Variants in TLE4 observed in about 807,000 individuals in gnomAD.
TLE4 encodes transducin-like enhancer protein 4.
In TLE4, 8 loss-of-function variants were observed where a neutral mutation model predicts 92.8. The observed-to-expected ratio is 0.09, with a 90% CI of 0.05 to 0.16. The LOEUF (loss-of-function observed/expected upper bound fraction) is 0.16. Among genes scored for constraint, TLE4 ranks in the 10% least tolerant of loss-of-function variants. The pLI is 1.00. For missense variants in TLE4, 675 were observed against 997.6 expected, an observed-to-expected ratio of 0.68 and a Z score of 4.36; for synonymous variants, 371 against 374.1, an observed-to-expected ratio of 0.99 and a Z score of 0.10.
At chr9:79,613,485 A>G (rs1282033680) in intron 5 of TLE4, among the ~76,000 whole-genome samples, 2 of 152,068 alleles carry the variant, frequency 1.3e-5, no homozygotes, top group African/African-American at 4.8e-5. Context: ...AGTTGAAGTG[A>G]GAATACTGGA....
chr9:79,711,254 A>C (rs1222551125), intron 14 of TLE4, among the ~76,000 whole-genome samples: 1 of 152,222 alleles, frequency 6.6e-6, no homozygotes, highest in East Asian at 1.9e-4. Context: ...GACAAATTAG[A>C]GTTCCTCAAG....
chr9:79,642,898 C>G (rs2057439024), intron 6 of TLE4, among the ~76,000 whole-genome samples: 1 of 152,154 alleles, frequency 6.6e-6, no homozygotes, highest in Non-Finnish European at 1.5e-5. Flanking sequence ...GAAGCTTATC[C>G]TTTCAGTGAT....
intron 8 of TLE4, among the ~76,000 whole-genome samples, chr9:79,660,128 T>G (rs1386937479): frequency 6.6e-6 from 1 of 152,186 alleles, no homozygotes; most frequent in Non-Finnish European, 1.5e-5. Flanking sequence ...CTGAAACATT[T>G]AGAATATGAG....
intron 2 of TLE4, among the ~76,000 whole-genome samples, 193 bp from the exon 3 acceptor site, chr9:79,574,680 T>G (rs2037148467): frequency 6.6e-6 from 1 of 152,166 alleles, no homozygotes; most frequent in African/African-American, 2.4e-5. Flanking sequence ...AAACCACATA[T>G]ATGATCCTTA....
At chr9:79,643,946 T>C (rs1288259144) in intron 6 of TLE4, among the ~76,000 whole-genome samples, 1 of 152,208 alleles carries the variant, frequency 6.6e-6, no homozygotes, top group Non-Finnish European at 1.5e-5. Flanking sequence ...TCTGTGCATA[T>C]GAAAATGTGG....
chr9:79,637,379 A>C (rs922092053), intron 6 of TLE4, among the ~76,000 whole-genome samples: 1 of 152,200 alleles, frequency 6.6e-6, no homozygotes, highest in Non-Finnish European at 1.5e-5. Context: ...AGGCCACACA[A>C]AAGAGGAGTG....
intron 8 of TLE4, among the ~76,000 whole-genome samples, chr9:79,703,964 C>T (rs944180688): frequency 6.6e-6 from 1 of 151,944 alleles, no homozygotes; most frequent in Admixed American, 6.6e-5. Context: ...CTAATTACCT[C>T]TTAAAAGCTC....
chr9:79,588,163 T>TGTGTGTGTGTGTGTGTG (rs1554691196), intron 4 of TLE4, among the ~76,000 whole-genome samples: 19 of 151,680 alleles, frequency 1.3e-4, no homozygotes, highest in South Asian at 8.3e-4. Context: ...TGTGTGTGTG[T>TGTGTGTGTGTGTGTGTG]TTTGAGATAG....
chr9:79,601,277 G>A, intron 4 of TLE4: 1 of 416,780 alleles, frequency 2.4e-6, no homozygotes, highest in East Asian at 7.2e-5. Context: ...GAAAAGATGT[G>A]TGATGGGAAA....
chr9:79,702,439 A>G (rs893764567), intron 8 of TLE4, among the ~76,000 whole-genome samples: 1 of 152,208 alleles, frequency 6.6e-6, no homozygotes, highest in Non-Finnish European at 1.5e-5. Flanking sequence ...TTCAGTGGTC[A>G]TGAAAACCTA....
intron 8 of TLE4, among the ~76,000 whole-genome samples, chr9:79,695,766 A>C (rs572970616): frequency 3.3e-5 from 5 of 152,316 alleles, no homozygotes; most frequent in African/African-American, 1.2e-4. Flanking sequence ...CTTTCTGAAG[A>C]TGTGACATTT....
intron 4 of TLE4, among the ~76,000 whole-genome samples, chr9:79,608,672 C>T (rs1036968881): frequency 3.3e-5 from 5 of 151,994 alleles, no homozygotes; most frequent in Admixed American, 1.3e-4. Context: ...AAGTTAGCTG[C>T]TGAAATGGTT....
At chr9:79,695,508 A>G (rs764657153) in intron 8 of TLE4, among the ~76,000 whole-genome samples, 47 of 152,330 alleles carry the variant, frequency 3.1e-4, no homozygotes, top group Non-Finnish European at 6.0e-4. Context: ...AACATGAAGC[A>G]TACATGAGCA....
intron 14 of TLE4, among the ~76,000 whole-genome samples, chr9:79,713,122 T>C (rs2073738127): frequency 6.6e-6 from 1 of 152,166 alleles, no homozygotes; most frequent in Admixed American, 6.5e-5. Context: ...GACCTCAAGG[T>C]CGAAGCCCAT....
chr9:79,578,853 A>G (rs2038783651), intron 4 of TLE4, among the ~76,000 whole-genome samples: 1 of 148,508 alleles, frequency 6.7e-6, no homozygotes, highest in African/African-American at 2.5e-5. Flanking sequence ...TTTAAAGGGG[A>G]ACTTGGTGAT....
At chr9:79,639,233 G>A (rs1267441680) in intron 6 of TLE4, among the ~76,000 whole-genome samples, 1 of 152,038 alleles carries the variant, frequency 6.6e-6, no homozygotes, top group Non-Finnish European at 1.5e-5. Context: ...TGGACTTGTA[G>A]TGTGAGAAAT....
At chr9:79,666,156 CCTT>C (rs1249617736) in intron 8 of TLE4, among the ~76,000 whole-genome samples, 1 of 138,802 alleles carries the variant, frequency 7.2e-6, no homozygotes, top group Admixed American at 7.4e-5. Flanking sequence ...TCTGCTGTTT[CCTT>C]CATCTGTGTG....
intron 5 of TLE4, among the ~76,000 whole-genome samples, chr9:79,613,870 AG>A (rs1247776155): frequency 2.0e-5 from 3 of 152,034 alleles, no homozygotes; most frequent in Non-Finnish European, 2.9e-5. Context: ...TATACTGGGG[AG>A]GGGGCACTCA....
At chr9:79,710,510 C>G (rs764943750) in intron 14 of TLE4, among the ~76,000 whole-genome samples, 1 of 152,142 alleles carries the variant, frequency 6.6e-6, no homozygotes, top group African/African-American at 2.4e-5. Context: ...CTACACATGC[C>G]GTGTATGTGC....
Sources: gnomAD v4.1 joint callset for allele counts (sites outside exome capture counted in the v4.1 genomes callset) on GRCh38, gnomAD v4.1.1 for gene constraint, MANE v1.5 for transcripts, NCBI Gene and HGNC (gene_info 2026-07-23, HGNC 2026-07-21) for gene names.